The following NEDD4L variants were observed in gnomAD, a reference collection of about 807,000 sequenced individuals.
NEDD4L encodes the protein E3 ubiquitin-protein ligase NEDD4-like.
In NEDD4L, 54 loss-of-function variants were observed where a neutral mutation model predicts 148.9. That is an observed-to-expected ratio of 0.36 (90% confidence interval 0.29 to 0.45). The LOEUF (loss-of-function observed/expected upper bound fraction) is 0.45, where lower values mean the gene tolerates loss of function less well. NEDD4L is among the 20% of genes least tolerant of loss of function. The pLI, the probability that NEDD4L is intolerant of heterozygous loss-of-function variation, is 1.00. For synonymous variants in NEDD4L, 433 were observed against 440.7 expected (o/e 0.98, Z 0.22); for missense variants, 856 against 1,233.8 (o/e 0.69, Z 4.59).
At chr18:58,224,457 G>C (rs1023235220) in intron 2 of NEDD4L, among the ~76,000 whole-genome samples, 2 of 152,230 alleles carry the variant, frequency 1.3e-5, no homozygotes, top group African/African-American at 4.8e-5. Flanking sequence ...AACTTCATTA[G>C]AGGAAATGGC....
At chr18:58,087,631 T>G (rs1296021032) in intron 1 of NEDD4L, among the ~76,000 whole-genome samples, 1 of 152,090 alleles carries the variant, frequency 6.6e-6, no homozygotes, top group Non-Finnish European at 1.5e-5. Flanking sequence ...TCCCAGCACT[T>G]TGAGAGGCCG....
In NEDD4L at chr18:58,341,030, A is replaced by G; in HGVS notation, c.1126-8A>G. On this transcript the variant is annotated splice_region_variant and splice_polypyrimidine_tract_variant and intron_variant, in intron 13 of 30. Coordinates refer to ENST00000400345, the MANE Select transcript of NEDD4L (RefSeq NM_001144967.3). ...GTATTAAATAATAATGATTTCTTGC[A>G]CAAACAGCCATCAGTGGCCTATGTA... 1 of 1,605,508 alleles carries G rather than the reference A, an allele frequency of 6.2e-7. No individual in the cohort carries two copies. The highest frequency in any genetic ancestry group is 1.7e-5 in the Admixed American group (1 of 58,806).
At chr18:58,387,048 C>G (rs923475146) in intron 26 of NEDD4L, among the ~76,000 whole-genome samples, 22 of 152,150 alleles carry the variant, frequency 1.4e-4, no homozygotes, top group African/African-American at 4.6e-4. Context: ...CACCTGCCTC[C>G]CTCTGTGTTT....
intron 1 of NEDD4L, among the ~76,000 whole-genome samples, chr18:58,118,295 G>T (rs1260631104): frequency 6.6e-6 from 1 of 152,258 alleles, no homozygotes; most frequent in Admixed American, 6.5e-5. Context: ...CACTTGTCAG[G>T]TGCTTATGAT....
At chr18:58,071,109 A>G (rs1394057722) in intron 1 of NEDD4L, among the ~76,000 whole-genome samples, 2 of 152,166 alleles carry the variant, frequency 1.3e-5, no homozygotes, top group Non-Finnish European at 2.9e-5. Context: ...TGAAGCGCAG[A>G]TGTTGGGCAT....
At chr18:58,330,969 T>C in intron 11 of NEDD4L, 55 bp downstream of exon 11, 2 of 1,562,350 alleles carry the variant, frequency 1.3e-6, no homozygotes, top group South Asian at 2.3e-5. Context: ...TTGTTTTTTG[T>C]TGCTTAAGGA....
At chr18:58,149,513 C>A (rs2034446286) in intron 1 of NEDD4L, 1 of 1,551,302 alleles carries the variant, frequency 6.4e-7, no homozygotes, top group African/African-American at 1.4e-5. Context: ...ATGCACTAAA[C>A]CTTTAATATT....
chr18:58,385,989 C>T (rs2146806159), intron 26 of NEDD4L, among the ~76,000 whole-genome samples: 1 of 152,066 alleles, frequency 6.6e-6, no homozygotes, highest in East Asian at 1.9e-4. Flanking sequence ...AGCGCAGTCC[C>T]CAAAGTGCCT....
chr18:58,282,924 T>A (rs2148993662), intron 5 of NEDD4L, among the ~76,000 whole-genome samples: 1 of 152,208 alleles, frequency 6.6e-6, no homozygotes, highest in Non-Finnish European at 1.5e-5. Context: ...CAATACACAA[T>A]CTGTGTCAGC....
chr18:58,276,355 C>T (rs1222311105), intron 5 of NEDD4L, among the ~76,000 whole-genome samples: 1 of 152,002 alleles, frequency 6.6e-6, no homozygotes, highest in Non-Finnish European at 1.5e-5. Flanking sequence ...AATACAGGCA[C>T]ATGCCACCAC....
Position 58,322,425 on chromosome 18 carries a change from A to G in NEDD4L, c.349A>G (p.Thr117Ala). Residue 117 changes from threonine to alanine, a missense_variant and splice_region_variant, in exon 7 of 31, where the codon ACA becomes GCA. This residue lies in a region of NEDD4L where 193 missense variants were observed against 244.2 expected (regional missense o/e 0.79). Transcript: ENST00000400345. ...TTAATTTACTGTTTTTTCCCCACAG[A>G]CAGAAGATCCAACCATGGAGCGACC... ...QVDVPLSHLP[T>A]EDPTMERPYT... 6.2e-7 allele frequency: 1 copy of G among 1,603,870 alleles called. No homozygotes were observed. Among genetic ancestry groups the G allele is most frequent in the Non-Finnish European group, 8.5e-7 (1 of 1,172,016 alleles).
chr18:58,336,863 C>T (rs543748352), intron 13 of NEDD4L, among the ~76,000 whole-genome samples: 68 of 152,308 alleles, frequency 4.5e-4, no homozygotes, highest in African/African-American at 1.6e-3. Context: ...TATTACCCAC[C>T]GTGCACTTGT....
At chr18:58,087,933 A>G (rs998388808) in intron 1 of NEDD4L, among the ~76,000 whole-genome samples, 1 of 152,224 alleles carries the variant, frequency 6.6e-6, no homozygotes, top group Non-Finnish European at 1.5e-5. Context: ...CCTGGGGGTC[A>G]GGGATCCCAG....
intron 5 of NEDD4L, among the ~76,000 whole-genome samples, chr18:58,267,365 A>G (rs755034098): frequency 1.2e-4 from 19 of 152,078 alleles, no homozygotes; most frequent in Non-Finnish European, 2.4e-4. Context: ...AAGACCTGTT[A>G]TGTTATACTA....
intron 5 of NEDD4L, among the ~76,000 whole-genome samples, chr18:58,278,344 G>C (rs956198464): frequency 6.6e-6 from 1 of 152,092 alleles, no homozygotes; most frequent in Non-Finnish European, 1.5e-5. Context: ...CATCTGTCTG[G>C]CGTCCAGGCC....
chr18:58,213,021 A>T (rs902569061), intron 2 of NEDD4L, among the ~76,000 whole-genome samples: 5 of 152,248 alleles, frequency 3.3e-5, no homozygotes, highest in African/African-American at 1.2e-4. Context: ...TTAAACAATG[A>T]GACGTTACTT....
At chr18:58,046,701 A>G (rs1479061584) in intron 1 of NEDD4L, 1 of 152,104 alleles carries the variant, frequency 6.6e-6, no homozygotes, top group East Asian at 1.9e-4. Context: ...ACAGAGTCCG[A>G]GTGTGTGTTG....
At chr18:58,284,809 G>A (rs566512956) in intron 5 of NEDD4L, among the ~76,000 whole-genome samples, 7 of 152,252 alleles carry the variant, frequency 4.6e-5, no homozygotes, top group African/African-American at 7.2e-5. Flanking sequence ...GAATGGTGCC[G>A]TGGGCACTAT....
At chr18:58,144,362 G>A (rs1311213940) in intron 1 of NEDD4L, among the ~76,000 whole-genome samples, 3 of 152,026 alleles carry the variant, frequency 2.0e-5, no homozygotes, top group African/African-American at 7.3e-5. Flanking sequence ...GCAGGAGCAA[G>A]GGGTTGGGTC....
Sources: gnomAD v4.1 joint callset for allele counts (sites outside exome capture counted in the v4.1 genomes callset) on GRCh38, gnomAD v4.1.1 for gene constraint, gnomAD v4.1.1 regional missense constraint, MANE v1.5 for transcripts, NCBI Gene and HGNC (gene_info 2026-07-23, HGNC 2026-07-21) for gene names.